ADCY3: variants seen among roughly 807,000 people sequenced by gnomAD.
ADCY3 encodes adenylate cyclase type 3.
Under a neutral mutation model 119.4 loss-of-function variants are expected in ADCY3, and 70 were observed. The observed-to-expected ratio is 0.59, with a 90% CI of 0.48 to 0.72. ADCY3 has a LOEUF of 0.72. Among genes scored for constraint, ADCY3 ranks in the 30% least tolerant of loss-of-function variants. The probability of loss-of-function intolerance (pLI) is 0.00; values close to 1 mark genes in which losing one functional copy is unlikely to be tolerated. For missense variants in ADCY3, 1,238 were observed against 1,541.6 expected, an observed-to-expected ratio of 0.80 and a Z score of 3.30; for synonymous variants, 672 against 621.4, an observed-to-expected ratio of 1.08 and a Z score of -1.21.
intron 2 of ADCY3, among the ~76,000 whole-genome samples, chr2:24,889,664 C>T (rs1243729193): frequency 6.6e-6 from 1 of 152,102 alleles, no homozygotes; most frequent in East Asian, 1.9e-4. Context: ...TGGTGAAATC[C>T]CATCTCTAAT....
intron 3 of ADCY3, among the ~76,000 whole-genome samples, chr2:24,851,806 A>G (rs1320217189): frequency 2.0e-5 from 3 of 152,330 alleles, no homozygotes; most frequent in East Asian, 3.9e-4. Flanking sequence ...GAAGTACTGA[A>G]TAACTGAAAC....
intron 3 of ADCY3, among the ~76,000 whole-genome samples, chr2:24,856,517 T>C (rs1673018546): frequency 6.6e-6 from 1 of 152,136 alleles, no homozygotes; most frequent in Non-Finnish European, 1.5e-5. Flanking sequence ...CCTGACTACC[T>C]AAGCAGAGGG....
chr2:24,843,039 G>A (rs1477439110), intron 3 of ADCY3, among the ~76,000 whole-genome samples: 1 of 152,186 alleles, frequency 6.6e-6, no homozygotes, highest in African/African-American at 2.4e-5. Flanking sequence ...AAGGAGCCTT[G>A]GTCGAGCCCA....
intron 11 of ADCY3, among the ~76,000 whole-genome samples, chr2:24,832,824 G>A (rs930428708): frequency 2.0e-5 from 3 of 152,052 alleles, no homozygotes; most frequent in Non-Finnish European, 2.9e-5. Flanking sequence ...CAAACTTCAC[G>A]TGTCCCAAAG....
intron 16 of ADCY3, chr2:24,825,684 G>A (rs1668514502): frequency 4.4e-6 from 1 of 228,744 alleles, no homozygotes; most frequent in South Asian, 6.6e-5. Context: ...TGGCTCTGTG[G>A]TCAGTTGTGT....
At chr2:24,845,820 T>C (rs1225004448) in intron 3 of ADCY3, among the ~76,000 whole-genome samples, 1 of 152,158 alleles carries the variant, frequency 6.6e-6, no homozygotes, top group African/African-American at 2.4e-5. Flanking sequence ...AAAAAGTAGT[T>C]TCGTGGGCCA....
intron 2 of ADCY3, among the ~76,000 whole-genome samples, chr2:24,883,433 C>G (rs1382473641): frequency 2.0e-5 from 3 of 152,136 alleles, no homozygotes; most frequent in Non-Finnish European, 4.4e-5. Context: ...GCAAAGGCCC[C>G]CATGAGGAAG....
chr2:24,839,817 G>A, intron 7 of ADCY3, 56 bp downstream of exon 7: 1 of 1,609,774 alleles, frequency 6.2e-7, no homozygotes, highest in East Asian at 2.2e-5. Context: ...CCTGGGGGAT[G>A]GAGGGGACGG....
intron 3 of ADCY3, among the ~76,000 whole-genome samples, chr2:24,858,015 T>TA (rs1553347395): frequency 6.4e-5 from 8 of 124,720 alleles, no homozygotes; most frequent in Admixed American, 1.6e-4. Context: ...TTTTTTTTTT[T>TA]AAAGAGACAG....
At chr2:24,865,458 A>T (rs1257756326) in intron 3 of ADCY3, among the ~76,000 whole-genome samples, 1 of 151,278 alleles carries the variant, frequency 6.6e-6, no homozygotes, top group Non-Finnish European at 1.5e-5. Context: ...AGAAAAATAG[A>T]TTTAGTACAA....
At chr2:24,916,552 C>T (rs146214019) in intron 2 of ADCY3, among the ~76,000 whole-genome samples, 1 of 152,328 alleles carries the variant, frequency 6.6e-6, no homozygotes, top group African/African-American at 2.4e-5. Context: ...CGTGGAGGCG[C>T]GTGCCTGTCA....
At chr2:24,884,360 C>A (rs918949658) in intron 2 of ADCY3, among the ~76,000 whole-genome samples, 7 of 152,130 alleles carry the variant, frequency 4.6e-5, no homozygotes, top group Non-Finnish European at 7.4e-5. Flanking sequence ...AAAGAGCTTC[C>A]AGCCTTCCTG....
At position 24,840,034 on chromosome 2, in the gene ADCY3, G is replaced by A. The variant is rs780806343; in HGVS notation, c.1197-3C>T. 5.0e-6 allele frequency: 8 copies of A among 1,605,490 alleles called. No individual in the cohort carries two copies. In the African/African-American group the frequency reaches 6.7e-5, roughly 13 times the overall value. On this transcript the variant is annotated splice_region_variant and splice_polypyrimidine_tract_variant and intron_variant, in intron 6 of 21. Transcript: ENST00000679454. The stretch of plus-strand genomic sequence containing the variant: ...TCTTGGTCTTCTCCCGCACATACCT[G>A]CCAGGTACACACAGAAAGGAGGGTC...
intron 2 of ADCY3, among the ~76,000 whole-genome samples, chr2:24,914,120 T>G (rs1163421840): frequency 6.6e-6 from 1 of 152,192 alleles, no homozygotes; most frequent in African/African-American, 2.4e-5. Context: ...TAACAGGTCC[T>G]GGGGCAGGAC....
intron 6 of ADCY3, chr2:24,840,476 T>G (rs1483304213): frequency 2.4e-6 from 1 of 424,052 alleles, no homozygotes; most frequent in Non-Finnish European, 4.9e-6. Flanking sequence ...ACCCCTGGGG[T>G]AAAGGCCACA....
chr2:24,897,169 T>G (rs1003338524), intron 2 of ADCY3, among the ~76,000 whole-genome samples: 2 of 152,030 alleles, frequency 1.3e-5, no homozygotes, highest in African/African-American at 4.8e-5. Context: ...CTACCATACC[T>G]GTACCCCATC....
rs1185268459 is a variant in ADCY3 at position 24,898,435 on chromosome 2, G to A, written c.675+19878C>T. 6.6e-6 allele frequency among the ~76,000 whole-genome samples: 1 copy of A among 152,138 alleles called. No individual in the cohort carries two copies. Among genetic ancestry groups the A allele is most frequent in the African/African-American group, 2.4e-5 (1 of 41,422 alleles). ...CTATGCAGGGCTGTCCTCGGGGAGA[G>A]GGGCTTCGTGTACTTCACACAGTGC... On this transcript the variant is annotated intron_variant, in intron 2 of 21. Coordinates refer to ENST00000679454, the MANE Select transcript of ADCY3 (RefSeq NM_004036.5). The surrounding 1 kb of genome is among the most constrained non-coding windows in gnomAD (Gnocchi z 4.3).
chr2:24,834,824 T>G lies in ADCY3; in HGVS notation c.1775A>C (p.Glu592Ala). Residue 592 changes from glutamate (E) to alanine (A), a missense_variant, in exon 10 of 22, where the codon GAG becomes GCG. Coordinates refer to ENST00000679454, the MANE Select transcript of ADCY3 (RefSeq NM_004036.5). The surrounding 1 kb of genome is among the most constrained non-coding windows in gnomAD (Gnocchi z 4.2). ...GGCGGACTCTCGCTCAAGCAGGGCC[T>G]CGTTGAGCAGCTGGTTGAGCTCGTG... ...DEHELNQLLNEALLERESAQV... is the reference protein window; with the variant it reads ...DEHELNQLLNAALLERESAQV... The G allele has an allele frequency of 6.2e-7, 1 of 1,613,908 alleles. No homozygotes were observed. Among genetic ancestry groups the G allele is most frequent in the Non-Finnish European group, 8.5e-7 (1 of 1,179,994 alleles).
Position 24,859,454 on chromosome 2 carries a change from C to A in ADCY3, c.825+13116G>T, listed in dbSNP as rs1673385053. 2.0e-5 allele frequency among the ~76,000 whole-genome samples: 3 copies of A among 152,192 alleles called. 1 individual carries two copies. The South Asian group carries it at 6.2e-4, about 31-fold the overall frequency. On this transcript the variant is annotated intron_variant, in intron 3 of 21. Transcript: ENST00000679454. The stretch of plus-strand genomic sequence containing the variant: ...AACCCCAGGCCAAGAGGCAACTGGC[C>A]TCTGGCTCTGACTCCCCTCTCCCCT...
Sources: gnomAD v4.1 joint callset for allele counts (sites outside exome capture counted in the v4.1 genomes callset) on GRCh38, gnomAD v4.1.1 for gene constraint, Gnocchi (gnomAD v3.1) non-coding constraint, MANE v1.5 for transcripts, NCBI Gene and HGNC (gene_info 2026-07-23, HGNC 2026-07-21) for gene names.